NDUFAF5: variants seen among roughly 807,000 people sequenced by gnomAD.
The protein encoded by NDUFAF5 is NADH:ubiquinone oxidoreductase complex assembly factor 5.
In NDUFAF5, 34 loss-of-function variants were observed where a neutral mutation model predicts 48.9. The observed-to-expected ratio is 0.70, with a 90% CI of 0.53 to 0.93. The LOEUF is 0.93. Ranked by LOEUF, NDUFAF5 falls within the 40% of genes least tolerant of loss-of-function variation. NDUFAF5 has a pLI of 0.00. For synonymous variants in NDUFAF5, 153 were observed against 150.6 expected (o/e 1.02, Z -0.12); for missense variants, 428 against 427.5 (o/e 1.00, Z -0.01).
In NDUFAF5 at chr20:13,788,577, C is replaced by CTT; in HGVS notation, c.264-4_264-3dup. On this transcript the variant is annotated splice_polypyrimidine_tract_variant and intron_variant, in intron 2 of 10. Coordinates refer to ENST00000378106, the MANE Select transcript of NDUFAF5 (RefSeq NM_024120.5). ...TATGGACAGAGCATAACCTCTGTGT[C>CTT]TTTTTTTTTAGAAATTTCCCCCTTG... 1 of 1,574,606 alleles carries CTT rather than the reference C, an allele frequency of 6.4e-7. No individual in the cohort carries two copies. The highest frequency in any genetic ancestry group is 8.7e-7 in the Non-Finnish European group (1 of 1,147,188).
intron 7 of NDUFAF5, among the ~76,000 whole-genome samples, chr20:13,802,893 C>G (rs1187367934): frequency 6.6e-6 from 1 of 152,090 alleles, no homozygotes; most frequent in African/African-American, 2.4e-5. Flanking sequence ...AACAGTCTTT[C>G]TAAAGGATGT....
chr20:13,804,133 C>T (rs975179727), intron 7 of NDUFAF5, among the ~76,000 whole-genome samples: 1 of 152,146 alleles, frequency 6.6e-6, no homozygotes, highest in Admixed American at 6.5e-5. Context: ...GACATTGCTT[C>T]ACATTTTTGC....
chr20:13,808,887 A>G lies in NDUFAF5; in HGVS notation c.763A>G (p.Met255Val). 6.3e-7 allele frequency: 1 copy of G among 1,599,496 alleles called. No homozygotes were observed. The highest frequency in any genetic ancestry group is 8.6e-7 in the Non-Finnish European group (1 of 1,166,816). ...TAACTATCCTGGAATGTTTGAATTG[A>G]TGGAAGATTTACAAGGTAAGGCACT... ...QVNYPGMFELMEDLQGMGESN... is the reference protein window; with the variant it reads ...QVNYPGMFELVEDLQGMGESN... Residue 255 changes from methionine to valine, a missense_variant, in exon 8 of 11, where the codon ATG becomes GTG. Physicochemically the swap from Met to Val is conservative, Grantham distance 21. Coordinates refer to ENST00000378106, the MANE Select transcript of NDUFAF5 (RefSeq NM_024120.5).
intron 1 of NDUFAF5, 87 bp downstream of exon 1, chr20:13,785,377 A>T: frequency 8.4e-7 from 1 of 1,193,306 alleles, no homozygotes; most frequent in Non-Finnish European, 1.2e-6. Flanking sequence ...CCCCGAGCTC[A>T]CCCCACCTAG....
intron 7 of NDUFAF5, among the ~76,000 whole-genome samples, chr20:13,806,305 A>G (rs531579199): frequency 2.0e-5 from 3 of 152,322 alleles, no homozygotes; most frequent in African/African-American, 7.2e-5. Flanking sequence ...CAGGAGATCA[A>G]GACCATCTTG....
At position 13,818,428 on chromosome 20, in the gene NDUFAF5, G is replaced by A. The variant is rs111552382; in HGVS notation, c.*1218G>A. The A allele has an allele frequency of 1.4e-4, 42 of 305,630 alleles. No individual in the cohort carries two copies. The highest frequency in any genetic ancestry group is 8.9e-4 in the African/African-American group (39 of 43,684). The allele number at this position is 305,630 out of a possible 1,614,324, so 18.9% of individuals were successfully genotyped here. ...GTAAACCTGTGAAGTAGAATTTGGC[G>A]TTTTGTTTTTTGGGGTTTTTTTTTT... On this transcript the variant is annotated 3_prime_UTR_variant, in exon 11 of 11. Coordinates refer to ENST00000378106, the MANE Select transcript of NDUFAF5 (RefSeq NM_024120.5).
At chr20:13,816,785 C>A in intron 9 of NDUFAF5, 90 bp from the exon 10 acceptor site, 1 of 857,988 alleles carries the variant, frequency 1.2e-6, no homozygotes, top group Non-Finnish European at 2.0e-6. Flanking sequence ...ATCCTTGTAC[C>A]CATTTCTTTT....
chr20:13,798,546 A>G, intron 6 of NDUFAF5, 46 bp downstream of exon 6: 1 of 1,385,708 alleles, frequency 7.2e-7, no homozygotes, highest in Non-Finnish European at 1.0e-6. Flanking sequence ...TATTTTCTTT[A>G]TTGTTAGAAA....
At chr20:13,811,244 G>A (rs2147605393) in intron 8 of NDUFAF5, among the ~76,000 whole-genome samples, 1 of 152,236 alleles carries the variant, frequency 6.6e-6, no homozygotes, top group South Asian at 2.1e-4. Context: ...GGTCAGGGAT[G>A]GTCACGGTTG....
At chr20:13,801,774 G>A (rs1984189367) in intron 7 of NDUFAF5, 91 bp downstream of exon 7, 1 of 1,074,162 alleles carries the variant, frequency 9.3e-7, no homozygotes, top group Admixed American at 1.9e-5. Flanking sequence ...TGTGTTCATG[G>A]TTTCATGGCA....
chr20:13,790,106 G>A (rs1982031732), intron 3 of NDUFAF5, among the ~76,000 whole-genome samples: 1 of 152,148 alleles, frequency 6.6e-6, no homozygotes, highest in Admixed American at 6.5e-5. Context: ...GATGTTTAAG[G>A]AAGATTAATC....
At chr20:13,800,340 T>C (rs765147402) in intron 6 of NDUFAF5, among the ~76,000 whole-genome samples, 3 of 152,258 alleles carry the variant, frequency 2.0e-5, no homozygotes, top group Admixed American at 6.5e-5. Context: ...TACTTAATAC[T>C]GCTTTTAATT....
chr20:13,813,621 T>C (rs1001763270), intron 8 of NDUFAF5, among the ~76,000 whole-genome samples: 1 of 152,148 alleles, frequency 6.6e-6, no homozygotes, highest in Non-Finnish European at 1.5e-5. Context: ...AAATCATTTA[T>C]AATAAAGTAC....
chr20:13,787,704 T>C (rs1197409422), intron 2 of NDUFAF5, among the ~76,000 whole-genome samples: 1 of 152,204 alleles, frequency 6.6e-6, no homozygotes, highest in African/African-American at 2.4e-5. Flanking sequence ...TGTGCCATAT[T>C]GCCTGTGTTC....
chr20:13,796,826 A>G (rs999204942), intron 5 of NDUFAF5, among the ~76,000 whole-genome samples: 6 of 152,176 alleles, frequency 3.9e-5, no homozygotes, highest in Non-Finnish European at 8.8e-5. Flanking sequence ...TAAAAATACA[A>G]AAATTAGCTG....
At chr20:13,798,737 G>C (rs1983652612) in intron 6 of NDUFAF5, among the ~76,000 whole-genome samples, 1 of 152,166 alleles carries the variant, frequency 6.6e-6, no homozygotes, top group African/African-American at 2.4e-5. Context: ...GAAAAGCTTA[G>C]GAACTGTGCA....
At chr20:13,795,944 T>C (rs1233797175) in intron 5 of NDUFAF5, among the ~76,000 whole-genome samples, 1 of 152,256 alleles carries the variant, frequency 6.6e-6, no homozygotes, top group African/African-American at 2.4e-5. Flanking sequence ...AAATAGGTTA[T>C]AGGATACAAG....
At chr20:13,792,226 C>T (rs1982396225) in intron 3 of NDUFAF5, among the ~76,000 whole-genome samples, 1 of 152,226 alleles carries the variant, frequency 6.6e-6, no homozygotes, top group South Asian at 2.1e-4. Context: ...ATTGAGCACT[C>T]TTCCCAGCTC....
intron 8 of NDUFAF5, 75 bp from the exon 9 acceptor site, chr20:13,816,388 G>T: frequency 1.0e-6 from 1 of 967,002 alleles, no homozygotes. Context: ...TAGATGAGAC[G>T]GGATTAAGTC....
Sources: gnomAD v4.1 joint callset for allele counts (sites outside exome capture counted in the v4.1 genomes callset) on GRCh38, gnomAD v4.1.1 for gene constraint, MANE v1.5 for transcripts, NCBI Gene and HGNC (gene_info 2026-07-23, HGNC 2026-07-21) for gene names.